The following FMN2 variants were observed in gnomAD, a reference collection of about 807,000 sequenced individuals.
FMN2 encodes the protein formin 2, also known as formin-2.
FMN2 carries 51 observed loss-of-function variants against 142.3 expected under a neutral mutation model. The observed-to-expected ratio is 0.36, with a 90% CI of 0.29 to 0.45. FMN2 has a LOEUF of 0.45. Ranked by LOEUF, FMN2 falls within the 20% of genes least tolerant of loss-of-function variation. The pLI, the probability that FMN2 is intolerant of heterozygous loss-of-function variation, is 1.00. For synonymous variants in FMN2, 882 were observed against 869.8 expected (o/e 1.01, Z -0.25); for missense variants, 1,936 against 2,122.8 (o/e 0.91, Z 1.73).
Position 240,329,453 on chromosome 1 carries a change from A to G in FMN2, c.4422A>G (p.Leu1474=), listed in dbSNP as rs1671306890. The change falls in exon 10 of 18, where the codon CTA becomes CTG. Residue 1474 remains leucine, a synonymous_variant. Transcript: ENST00000319653. ...CAATTCGTCGCAAACTGGAATTACT[A>G]CAGAAATTGTGTGAGGTGAGTTCTG... ...ICSIRRKLEL[L]QKLCETLKNG... is the part of the protein sequence containing the mutation. 1.2e-6 allele frequency: 2 copies of G among 1,613,928 alleles called. No individual in the cohort carries two copies. Among genetic ancestry groups the G allele is most frequent in the Non-Finnish European group, 8.5e-7 (1 of 1,179,936 alleles).
At chr1:240,420,063 C>T (rs981433688) in intron 15 of FMN2, among the ~76,000 whole-genome samples, 4 of 152,080 alleles carry the variant, frequency 2.6e-5, no homozygotes, top group African/African-American at 9.7e-5. Flanking sequence ...ACCACTTGGA[C>T]CCTATTATTT....
intron 16 of FMN2, among the ~76,000 whole-genome samples, chr1:240,464,561 G>A (rs12029126): frequency 0.21 from 32,307 of 152,066 alleles, 4,464 homozygotes; most frequent in East Asian, 0.51. Context: ...TTATCTAATT[G>A]TCAAGGAGTC....
chr1:240,289,779 T>A lies in FMN2; in HGVS notation c.4154-5043T>A, dbSNP rs139604740. 3.7e-3 allele frequency among the ~76,000 whole-genome samples: 564 copies of A among 152,308 alleles called. 1 individual carries two copies. The highest frequency in any genetic ancestry group is 0.017 in the Middle Eastern group (5 of 294). On this transcript the variant is annotated intron_variant, in intron 7 of 17. Transcript: ENST00000319653. ...AGATCAACAAATTTGTCTAATAATG[T>A]TTTGTTGAAGTGCTTTGTTTTAAAT...
At chr1:240,339,550 A>T (rs1671678335) in intron 13 of FMN2, among the ~76,000 whole-genome samples, 2 of 152,038 alleles carry the variant, frequency 1.3e-5, no homozygotes, top group Admixed American at 1.3e-4. Flanking sequence ...ATTGAGGTAA[A>T]ATATACATAC....
intron 8 of FMN2, among the ~76,000 whole-genome samples, chr1:240,314,700 C>G (rs1350611895): frequency 6.6e-6 from 1 of 152,016 alleles, no homozygotes; most frequent in Non-Finnish European, 1.5e-5. Context: ...TAATGGAAAC[C>G]CTTGTTTGCT....
intron 7 of FMN2, among the ~76,000 whole-genome samples, chr1:240,273,631 G>A (rs113539706): frequency 0.016 from 2,438 of 152,228 alleles, 76 homozygotes; most frequent in African/African-American, 0.056. Context: ...TTCATGTTCT[G>A]TGTATGGGAG....
At chr1:240,129,341 T>C (rs1293030865) in intron 2 of FMN2, among the ~76,000 whole-genome samples, 2 of 152,166 alleles carry the variant, frequency 1.3e-5, no homozygotes, top group Non-Finnish European at 2.9e-5. Context: ...TTTGAAACGT[T>C]GTGTACAGTA....
chr1:240,307,157 A>T (rs935163890), intron 8 of FMN2, among the ~76,000 whole-genome samples: 1 of 152,110 alleles, frequency 6.6e-6, no homozygotes, highest in Non-Finnish European at 1.5e-5. Flanking sequence ...CCTTTGTCAG[A>T]TGCATAGTTT....
chr1:240,367,598 C>T (rs998669016), intron 14 of FMN2, among the ~76,000 whole-genome samples: 9 of 151,756 alleles, frequency 5.9e-5, no homozygotes, highest in African/African-American at 2.2e-4. Flanking sequence ...GAAACCCCAT[C>T]TCTACTAAAA....
intron 6 of FMN2, among the ~76,000 whole-genome samples, chr1:240,231,868 C>G (rs1051899434): frequency 4.6e-5 from 7 of 152,166 alleles, no homozygotes; most frequent in Non-Finnish European, 2.9e-5. Flanking sequence ...GAGTTTATCC[C>G]TTTTAAAAAT....
At chr1:240,119,930 T>G (rs775487529) in intron 1 of FMN2, among the ~76,000 whole-genome samples, 35 of 152,350 alleles carry the variant, frequency 2.3e-4, no homozygotes, top group Middle Eastern at 3.4e-3. Flanking sequence ...TCTACTGTTA[T>G]GATAATTAAT....
At chr1:240,345,992 A>G (rs935175782) in intron 13 of FMN2, among the ~76,000 whole-genome samples, 13 of 152,196 alleles carry the variant, frequency 8.5e-5, no homozygotes, top group African/African-American at 2.9e-4. Context: ...TGAACTGTCA[A>G]ACTGATTGAA....
intron 1 of FMN2, among the ~76,000 whole-genome samples, chr1:240,104,668 A>G (rs1661537095): frequency 6.6e-6 from 1 of 152,246 alleles, no homozygotes; most frequent in Non-Finnish European, 1.5e-5. Flanking sequence ...CTTAAAAAGA[A>G]CAAAACAAAA....
intron 4 of FMN2, among the ~76,000 whole-genome samples, chr1:240,189,547 A>G (rs530215795): frequency 6.6e-6 from 1 of 152,262 alleles, no homozygotes; most frequent in South Asian, 2.1e-4. Flanking sequence ...TATACATGAA[A>G]GTTGTGCTCC....
At chr1:240,214,930 G>C (rs372896211) in intron 6 of FMN2, among the ~76,000 whole-genome samples, 1 of 152,188 alleles carries the variant, frequency 6.6e-6, no homozygotes, top group African/African-American at 2.4e-5. Context: ...GCTGGGTGCA[G>C]TGGTGCATGT....
intron 15 of FMN2, among the ~76,000 whole-genome samples, chr1:240,411,775 GT>G (rs1270859129): frequency 6.6e-6 from 1 of 152,004 alleles, no homozygotes; most frequent in Non-Finnish European, 1.5e-5. Context: ...CTGTTTTAGG[GT>G]TGGTCACAAA....
At chr1:240,235,333 T>C (rs1667667389) in intron 6 of FMN2, among the ~76,000 whole-genome samples, 1 of 152,214 alleles carries the variant, frequency 6.6e-6, no homozygotes, top group East Asian at 1.9e-4. Flanking sequence ...TTAATATTGC[T>C]ATGATATTCA....
chr1:240,436,656 G>A (rs1469061477), intron 15 of FMN2, among the ~76,000 whole-genome samples: 9 of 139,598 alleles, frequency 6.4e-5, no homozygotes, highest in African/African-American at 2.5e-4. Context: ...TAGCCTGGGT[G>A]ACAGTGTGAG....
intron 8 of FMN2, among the ~76,000 whole-genome samples, chr1:240,318,424 T>C (rs948311586): frequency 3.3e-4 from 50 of 152,024 alleles, no homozygotes; most frequent in Non-Finnish European, 6.8e-4. Flanking sequence ...CTTTTTTTTT[T>C]CCATGTATCT....
Sources: allele counts gnomAD v4.1 joint callset (sites outside exome capture counted in the v4.1 genomes callset), GRCh38; gene constraint gnomAD v4.1.1; transcripts MANE v1.5; gene names NCBI Gene and HGNC (gene_info 2026-07-23, HGNC 2026-07-21).